AKAP1: variants seen among roughly 807,000 people sequenced by gnomAD.
AKAP1 encodes A-kinase anchoring protein 1.
Under a neutral mutation model 79.8 loss-of-function variants are expected in AKAP1, and 32 were observed. That is an observed-to-expected ratio of 0.40 (90% CI 0.30 to 0.54). The LOEUF is 0.54. AKAP1 is among the 20% of genes least tolerant of loss of function. The pLI, the probability that AKAP1 is intolerant of heterozygous loss-of-function variation, is 0.47. For synonymous variants in AKAP1, 416 were observed against 466.7 expected, an observed-to-expected ratio of 0.89 and a Z score of 1.40; for missense variants, 961 against 1,138.9, an observed-to-expected ratio of 0.84 and a Z score of 2.25.
chr17:57,086,252 C>T lies in AKAP1; in HGVS notation c.-25+854C>T, dbSNP rs1913445417. 5.8e-6 allele frequency: 2 copies of T among 343,468 alleles called. No individual in the cohort carries two copies. The highest frequency in any genetic ancestry group is 3.9e-5 in the Admixed American group (1 of 25,744). 21.3% of individuals were successfully genotyped at this position (343,468 alleles called of 1,614,324 possible). ...GCCCGGGGTCTGCGATCTGGAGGGA[C>T]CGCGCCAGTTTTGGGGTTACGATGT... On this transcript the variant is annotated intron_variant, in intron 1 of 10. Coordinates refer to ENST00000337714, the MANE Select transcript of AKAP1 (RefSeq NM_003488.4). This position sits in a 1 kb window ranked among gnomAD's most constrained non-coding sequence, Gnocchi z 5.1.
chr17:57,088,989 T>C (rs963003049), intron 1 of AKAP1, among the ~76,000 whole-genome samples: 1 of 152,166 alleles, frequency 6.6e-6, no homozygotes, highest in African/African-American at 2.4e-5. Flanking sequence ...AGTAAAAATA[T>C]GTATAACCTA....
chr17:57,110,231 A>C, intron 3 of AKAP1, 73 bp downstream of exon 3: 3 of 1,567,832 alleles, frequency 1.9e-6, no homozygotes, highest in Non-Finnish European at 2.6e-6. Flanking sequence ...ATTAGACCTC[A>C]GGGAGGGAGG....
intron 5 of AKAP1, 152 bp from the exon 6 acceptor site, chr17:57,114,307 C>G: frequency 1.1e-6 from 1 of 898,220 alleles, no homozygotes; most frequent in Non-Finnish European, 1.7e-6. Flanking sequence ...TTAAAGTAGT[C>G]CTTCAACCTC....
rs202033264 is a variant in AKAP1 at position 57,105,932 on chromosome 17, A to G, written c.468A>G (p.Leu156=). The change falls in exon 2 of 11, where the codon CTA becomes CTG. Residue 156 remains leucine (L), a synonymous_variant. Transcript: ENST00000337714. The part of the protein sequence containing the change: ...ECPLSSPKGV[L]FSSKSAEVCK... ...CCCTTTCATCCCCAAAGGGTGTACT[A>G]TTCTCCAGCAAATCAGCTGAGGTGT... The G allele has an allele frequency of 3.0e-5, 49 of 1,614,102 alleles. No homozygotes were observed. The highest frequency in any genetic ancestry group is 3.5e-5 in the Non-Finnish European group (41 of 1,180,052).
At chr17:57,117,636 G>A (rs1372017909) in intron 8 of AKAP1, among the ~76,000 whole-genome samples, 1 of 152,174 alleles carries the variant, frequency 6.6e-6, no homozygotes, top group African/African-American at 2.4e-5. Flanking sequence ...TCGGCTTAGA[G>A]GGAGCACTGG....
intron 3 of AKAP1, among the ~76,000 whole-genome samples, chr17:57,111,362 T>C (rs1015815537): frequency 6.6e-6 from 1 of 152,190 alleles, no homozygotes; most frequent in Non-Finnish European, 1.5e-5. Flanking sequence ...CTGAGTAGAC[T>C]TGAGGGAGAG....
At chr17:57,111,039 C>A (rs565644977) in intron 3 of AKAP1, among the ~76,000 whole-genome samples, 3 of 152,060 alleles carry the variant, frequency 2.0e-5, no homozygotes, top group Non-Finnish European at 4.4e-5. Flanking sequence ...TTGGTGGTTT[C>A]CTCCCTGGGG....
rs978290416 is a variant in AKAP1 at position 57,086,335 on chromosome 17, T to C, written c.-25+937T>C. 2 of 436,216 alleles carry C rather than the reference T, an allele frequency of 4.6e-6. No homozygotes were observed. The highest frequency in any genetic ancestry group is 1.6e-5 in the South Asian group (1 of 62,394). 27.0% of individuals were successfully genotyped at this position (436,216 alleles called of 1,614,324 possible). A position where few individuals can be genotyped will look rare whatever the true frequency, so the allele number is the denominator to read the frequency against. On this transcript the variant is annotated intron_variant, in intron 1 of 10. Transcript: ENST00000337714. The surrounding 1 kb of genome is among the most constrained non-coding windows in gnomAD (Gnocchi z 5.1). ...GCGGGCTTTCTGGCGTTCAACTCTT[T>C]TGTGCCCTAGCTGAAGGTCTTCCTG...
In AKAP1 at chr17:57,112,573, C is replaced by A. The variant is rs749490909; in HGVS notation, c.2058C>A (p.Pro686=). The change falls in exon 5 of 11, where the codon CCC becomes CCA. Residue 686 remains proline (P), a synonymous_variant. Transcript: ENST00000337714. ...KELNLTNIYA[P]PLPSLALPSL... is the part of the protein sequence containing the mutation. The stretch of plus-strand genomic sequence containing the variant: ...TGAACCTCACCAATATCTACGCTCC[C>A]CCATTGCCTTCACTGGCACTGCCTT... 15 of 1,614,158 alleles carry A rather than the reference C, an allele frequency of 9.3e-6. No homozygotes were observed. The highest frequency in any genetic ancestry group is 1.2e-5 in the Non-Finnish European group (14 of 1,180,020).
rs997723 is a variant in AKAP1 at position 57,088,071 on chromosome 17, C to G, written c.-25+2673C>G. ...GGGAGGTAGTAGATCCTGTGGGCAT[C>G]TTGTCCCATTGAAATCATCTCATAT... is the stretch of plus-strand genomic sequence containing the variant. On this transcript the variant is annotated intron_variant, in intron 1 of 10. Transcript: ENST00000337714. Among the ~76,000 whole-genome samples the G allele has an allele frequency of 8.8e-3, 1,333 of 152,308 alleles. 38 individuals are homozygous for G. The East Asian group carries it at 0.093, about 11-fold the overall frequency.
intron 7 of AKAP1, among the ~76,000 whole-genome samples, chr17:57,116,565 A>G (rs778241620): frequency 5.7e-4 from 86 of 152,118 alleles, no homozygotes; most frequent in African/African-American, 1.9e-3. Context: ...GGAGTTCAAG[A>G]CCAGACCGGG....
At chr17:57,109,959 T>A in intron 2 of AKAP1, 66 bp from the exon 3 acceptor site, 1 of 1,577,942 alleles carries the variant, frequency 6.3e-7, no homozygotes, top group Non-Finnish European at 8.6e-7. Context: ...TTTGGGAAGT[T>A]CTTGGTTACT....
chr17:57,116,265 A>G lies in AKAP1; in HGVS notation c.2432+4A>G, dbSNP rs1286772732. 1.2e-6 allele frequency: 2 copies of G among 1,614,048 alleles called. No individual in the cohort carries two copies. The highest frequency in any genetic ancestry group is 2.2e-5 in the East Asian group (1 of 44,866). On this transcript the variant is annotated splice_donor_region_variant and intron_variant, in intron 7 of 10. Transcript: ENST00000337714. ...TAGACGTGCTCCGGCAAATCAGGTG[A>G]GCGGAGATGCCTCAGGCAGGCCTAC...
At chr17:57,117,467 G>C (rs572537176) in intron 8 of AKAP1, among the ~76,000 whole-genome samples, 4 of 152,194 alleles carry the variant, frequency 2.6e-5, no homozygotes, top group Non-Finnish European at 4.4e-5. Flanking sequence ...CTGGTGTGTA[G>C]AGGGTGGCGA....
rs1402283484 is a variant in AKAP1, at chr17:57,120,351, T to A, written c.*27T>A. ...CCCCATGCTGCTTCCTGAGAGTCTT[T>A]TTTTGCACTGTTGAAATTGGGCTTG... On this transcript the variant is annotated 3_prime_UTR_variant, in exon 11 of 11. Transcript: ENST00000337714. 3 of 1,598,828 alleles carry A rather than the reference T, an allele frequency of 1.9e-6. No homozygotes were observed. The Middle Eastern group carries it at 5.0e-4, about 268-fold the overall frequency.
At position 57,120,450 on chromosome 17, in the gene AKAP1, G is replaced by A. The variant is rs1915861023; in HGVS notation, c.*126G>A. ...AGAAAGTCCTTTCTTTCTCCATACT[G>A]TAGTCCTATTGAGAAGACATTTCGT... On this transcript the variant is annotated 3_prime_UTR_variant, in exon 11 of 11. Transcript: ENST00000337714. 1.3e-6 allele frequency: 1 copy of A among 762,888 alleles called. No individual in the cohort carries two copies. Among genetic ancestry groups the A allele is most frequent in the Non-Finnish European group, 2.1e-6 (1 of 471,630 alleles). 47.3% of individuals were successfully genotyped at this position (762,888 alleles called of 1,614,324 possible).
Position 57,121,168 on chromosome 17 carries a change from T to A in AKAP1, c.*844T>A, listed in dbSNP as rs754387014. The A allele has an allele frequency of 6.6e-6, 1 of 152,068 alleles. No individual in the cohort carries two copies. The highest frequency in any genetic ancestry group is 1.5e-5 in the Non-Finnish European group (1 of 68,020). The allele number at this position is 152,068 out of a possible 1,614,324, so 9.4% of individuals were successfully genotyped here. Reference sequence around the variant, plus strand: ...GCTTCCTGCACACTGGACAGGTGACTGTATGGTAGAGACTGTGATCTGGGA... The same window carrying A: ...GCTTCCTGCACACTGGACAGGTGACAGTATGGTAGAGACTGTGATCTGGGA... On this transcript the variant is annotated 3_prime_UTR_variant, in exon 11 of 11. Coordinates refer to ENST00000337714, the MANE Select transcript of AKAP1 (RefSeq NM_003488.4).
chr17:57,090,942 G>T (rs1213585139), intron 1 of AKAP1, among the ~76,000 whole-genome samples: 2 of 152,242 alleles, frequency 1.3e-5, no homozygotes, highest in Non-Finnish European at 2.9e-5. Flanking sequence ...CCCTCCAAAG[G>T]CTGTCACCCA....
chr17:57,118,088 G>A (rs1915694896), intron 8 of AKAP1, among the ~76,000 whole-genome samples: 1 of 152,158 alleles, frequency 6.6e-6, no homozygotes, highest in South Asian at 2.1e-4. Flanking sequence ...TGGGGGTGGG[G>A]GTGGTGCTGC....
Sources: allele counts gnomAD v4.1 joint callset (sites outside exome capture counted in the v4.1 genomes callset), GRCh38; gene constraint gnomAD v4.1.1; non-coding constraint Gnocchi (gnomAD v3.1); transcripts MANE v1.5; gene names NCBI Gene and HGNC (gene_info 2026-07-23, HGNC 2026-07-21).